MYO9A: variants seen among roughly 807,000 people sequenced by gnomAD.
MYO9A encodes the protein myosin IXA, also known as unconventional myosin-IXa.
A neutral mutation model predicts 293.3 loss-of-function variants in MYO9A; 103 were observed. The ratio of observed to expected loss-of-function variants is 0.35; its 90% CI spans 0.30 to 0.41. The LOEUF (loss-of-function observed/expected upper bound fraction) is 0.41. Ranked by LOEUF, MYO9A falls within the 10% of genes least tolerant of loss-of-function variation. The probability of loss-of-function intolerance (pLI) is 1.00; values close to 1 mark genes in which losing one functional copy is unlikely to be tolerated. For missense variants in MYO9A, 2,685 were observed against 3,033.0 expected (o/e 0.89, Z 2.69); for synonymous variants, 1,001 against 1,035.7 (o/e 0.97, Z 0.64).
At chr15:71,901,599 G>A (rs967874244) in intron 22 of MYO9A, among the ~76,000 whole-genome samples, 19 of 151,834 alleles carry the variant, frequency 1.3e-4, no homozygotes, top group African/African-American at 4.6e-4. Flanking sequence ...GCTGAAACAG[G>A]AAGTTTGCTG....
chr15:71,906,325 T>C (rs1171587388), intron 19 of MYO9A, among the ~76,000 whole-genome samples: 1 of 152,192 alleles, frequency 6.6e-6, no homozygotes. Context: ...TTCAGTTAGG[T>C]CAAGTAGGTT....
chr15:72,090,390 A>G (rs1348723525), intron 1 of MYO9A, among the ~76,000 whole-genome samples: 1 of 152,184 alleles, frequency 6.6e-6, no homozygotes, highest in African/African-American at 2.4e-5. Flanking sequence ...TATTTATTAG[A>G]AACTACTGAT....
At chr15:71,869,853 T>C (rs2056452760) in intron 32 of MYO9A, among the ~76,000 whole-genome samples, 1 of 152,160 alleles carries the variant, frequency 6.6e-6, no homozygotes, top group Non-Finnish European at 1.5e-5. Context: ...CAATTAAACA[T>C]TTATAGATGC....
intron 26 of MYO9A, among the ~76,000 whole-genome samples, chr15:71,889,236 C>T (rs925650231): frequency 6.6e-6 from 1 of 152,028 alleles, no homozygotes; most frequent in Non-Finnish European, 1.5e-5. Context: ...TATGAGAAAA[C>T]AATCCAAGAC....
At chr15:72,061,847 C>T (rs1219526303) in intron 1 of MYO9A, among the ~76,000 whole-genome samples, 4 of 152,174 alleles carry the variant, frequency 2.6e-5, no homozygotes, top group Non-Finnish European at 1.5e-5. Flanking sequence ...CAACAAACAT[C>T]AATAGTAGCC....
chr15:71,846,353 G>A (rs1040204474), intron 39 of MYO9A, among the ~76,000 whole-genome samples: 2 of 152,118 alleles, frequency 1.3e-5, no homozygotes, highest in Non-Finnish European at 2.9e-5. Context: ...TCAACATCAG[G>A]GGAGAAAGGG....
chr15:71,954,341 C>T (rs1380477293), intron 14 of MYO9A, among the ~76,000 whole-genome samples: 1 of 152,178 alleles, frequency 6.6e-6, no homozygotes, highest in Admixed American at 6.5e-5. Context: ...GCTGGAACTA[C>T]AGGCGCCAGC....
chr15:72,105,889 G>A (rs1266468433), intron 1 of MYO9A, among the ~76,000 whole-genome samples: 1 of 152,028 alleles, frequency 6.6e-6, no homozygotes, highest in Non-Finnish European at 1.5e-5. Flanking sequence ...ATATCCTTCA[G>A]AACCAAACTC....
intron 22 of MYO9A, among the ~76,000 whole-genome samples, chr15:71,902,467 T>C (rs139722061): frequency 1.6e-4 from 24 of 151,826 alleles, no homozygotes; most frequent in African/African-American, 5.1e-4. Flanking sequence ...GGAATAAAAA[T>C]AAAATGGAAG....
chr15:71,864,245 G>A (rs1416525746), intron 32 of MYO9A, among the ~76,000 whole-genome samples: 1 of 152,176 alleles, frequency 6.6e-6, no homozygotes, highest in African/African-American at 2.4e-5. Flanking sequence ...AACATCATTA[G>A]TTATCAAAGA....
intron 1 of MYO9A, among the ~76,000 whole-genome samples, chr15:72,051,797 T>C (rs776969106): frequency 2.0e-5 from 3 of 152,146 alleles, no homozygotes; most frequent in Non-Finnish European, 2.9e-5. Context: ...GCTCAGTACC[T>C]GTAGGCACCC....
chr15:71,869,865 T>C (rs2056453285), intron 32 of MYO9A, among the ~76,000 whole-genome samples: 1 of 152,210 alleles, frequency 6.6e-6, no homozygotes, highest in Non-Finnish European at 1.5e-5. Flanking sequence ...TATAGATGCT[T>C]ACTATGTGTC....
chr15:71,948,551 C>T, intron 15 of MYO9A, among the ~76,000 whole-genome samples: 1 of 152,148 alleles, frequency 6.6e-6, no homozygotes, highest in South Asian at 2.1e-4. Context: ...GTCTATGGCT[C>T]CCTTCACAGA....
At chr15:72,018,204 A>G (rs1035979507) in intron 6 of MYO9A, among the ~76,000 whole-genome samples, 1 of 152,228 alleles carries the variant, frequency 6.6e-6, no homozygotes. Context: ...ATAGTGGCTC[A>G]TATCTGTAAT....
At chr15:72,106,766 A>C (rs2080584386) in intron 1 of MYO9A, among the ~76,000 whole-genome samples, 2 of 152,182 alleles carry the variant, frequency 1.3e-5, no homozygotes, top group Non-Finnish European at 2.9e-5. Flanking sequence ...GCACCCAGCC[A>C]AATTAAGTCT....
intron 11 of MYO9A, among the ~76,000 whole-genome samples, chr15:71,986,534 T>G (rs1208790521): frequency 3.3e-5 from 5 of 152,140 alleles, no homozygotes; most frequent in Non-Finnish European, 7.4e-5. Context: ...TCACGAAAAA[T>G]TCATATTATC....
intron 1 of MYO9A, among the ~76,000 whole-genome samples, chr15:72,065,391 T>C (rs752637727): frequency 2.6e-5 from 4 of 151,554 alleles, no homozygotes; most frequent in Non-Finnish European, 4.4e-5. Context: ...GGCGCATACC[T>C]GTAATCCCAG....
chr15:71,896,648 C>T (rs1051127650), intron 25 of MYO9A, among the ~76,000 whole-genome samples: 19 of 151,826 alleles, frequency 1.3e-4, no homozygotes, highest in African/African-American at 3.9e-4. Flanking sequence ...GGCATGGTGG[C>T]GTGCACCTAT....
In MYO9A at chr15:71,899,018, T is replaced by C. The variant is rs754156062; in HGVS notation, c.3485A>G (p.Lys1162Arg). ...FRARQRFKAL[K>R]EQRLRETKPE... ...CTTTGTTTCTCTTAGCCTTTGTTCT[T>C]TTAAAGCTTTAAATCTATATAAAAA... Residue 1162 changes from lysine (K) to arginine (R), a missense_variant, in exon 25 of 42, where the codon AAA becomes AGA. Lys to Arg is a conservative substitution (Grantham distance 26). Around this residue, in one of 10 missense-constraint regions of MYO9A, gnomAD observed 1,434 missense variants for 1,497.7 expected, o/e 0.96. Coordinates refer to ENST00000356056, the MANE Select transcript of MYO9A (RefSeq NM_006901.4). 1.0e-5 allele frequency: 16 copies of C among 1,603,990 alleles called. No individual in the cohort carries two copies. Among genetic ancestry groups the C allele is most frequent in the Non-Finnish European group, 1.3e-5 (15 of 1,174,792 alleles).
Sources: gnomAD v4.1 joint callset for allele counts (sites outside exome capture counted in the v4.1 genomes callset) on GRCh38, gnomAD v4.1.1 for gene constraint, gnomAD v4.1.1 regional missense constraint, MANE v1.5 for transcripts, NCBI Gene and HGNC (gene_info 2026-07-23, HGNC 2026-07-21) for gene names.